ASCC1: variants seen among roughly 807,000 people sequenced by gnomAD.
ASCC1 encodes the protein activating signal cointegrator 1 complex subunit 1, also known as ASC-1 complex subunit P50.
A neutral mutation model predicts 46.6 loss-of-function variants in ASCC1; 35 were observed. The observed-to-expected ratio is 0.75, with a 90% CI of 0.57 to 0.99. The LOEUF (loss-of-function observed/expected upper bound fraction) is 0.99. Ranked by LOEUF, ASCC1 falls within the 50% of genes least tolerant of loss-of-function variation. The probability of loss-of-function intolerance (pLI) is 0.00; values close to 1 mark genes in which losing one functional copy is unlikely to be tolerated. For synonymous variants in ASCC1, 143 were observed against 146.6 expected (o/e 0.98, Z 0.18); for missense variants, 376 against 428.7 (o/e 0.88, Z 1.09).
intron 9 of ASCC1, chr10:72,103,020 T>C: frequency 2.3e-6 from 1 of 437,284 alleles, no homozygotes; most frequent in South Asian, 1.6e-5. Flanking sequence ...AATATGTAGG[T>C]ATTGACAACA....
chr10:72,124,295 TTTTC>T (rs989008881), intron 9 of ASCC1, among the ~76,000 whole-genome samples: 3 of 152,238 alleles, frequency 2.0e-5, no homozygotes, highest in African/African-American at 7.2e-5. Flanking sequence ...ATGGCTTATA[TTTTC>T]CAGGATTTCT....
chr10:72,208,001 TTTG>T (rs1857460793), intron 3 of ASCC1, among the ~76,000 whole-genome samples: 1 of 151,984 alleles, frequency 6.6e-6, no homozygotes, highest in Non-Finnish European at 1.5e-5. Context: ...ATTTTTATTT[TTTG>T]TTGTAGAAAC....
intron 5 of ASCC1, among the ~76,000 whole-genome samples, chr10:72,189,692 C>T (rs1589539307): frequency 6.7e-6 from 1 of 150,168 alleles, no homozygotes; most frequent in East Asian, 2.0e-4. Flanking sequence ...ATCCCAGCTA[C>T]TTGAGAGGTT....
intron 9 of ASCC1, chr10:72,102,446 A>G: frequency 6.6e-7 from 1 of 1,508,554 alleles, no homozygotes; most frequent in Non-Finnish European, 9.0e-7. Flanking sequence ...AGATCACTAT[A>G]AAAGGCTTTA....
intron 8 of ASCC1, among the ~76,000 whole-genome samples, chr10:72,131,826 T>C (rs1845640551): frequency 6.6e-6 from 1 of 150,980 alleles, no homozygotes; most frequent in Non-Finnish European, 1.5e-5. Context: ...AACCTACAAA[T>C]AGTCAATGAT....
intron 9 of ASCC1, among the ~76,000 whole-genome samples, chr10:72,127,822 C>T (rs548348006): frequency 2.0e-5 from 3 of 152,062 alleles, no homozygotes; most frequent in Non-Finnish European, 4.4e-5. Flanking sequence ...CACCACTGCA[C>T]TCCAGCGTGA....
rs184342491 is a variant in ASCC1, at chr10:72,137,379, T to C, written c.747-4198A>G. On this transcript the variant is annotated intron_variant, in intron 7 of 9. Transcript: ENST00000672957. ...CCATCTCTACTAAAGATACAAAAAA[T>C]TAGATGGGTGTGGTGGTGCATGCCT... 2.5e-3 allele frequency among the ~76,000 whole-genome samples: 383 copies of C among 151,788 alleles called. 3 individuals carry two copies. Among genetic ancestry groups the C allele is most frequent in the African/African-American group, 8.2e-3 (342 of 41,464 alleles).
At chr10:72,190,859 G>C (rs927842756) in intron 5 of ASCC1, among the ~76,000 whole-genome samples, 115 of 151,320 alleles carry the variant, frequency 7.6e-4, no homozygotes, top group African/African-American at 2.7e-3. Context: ...CGCTGGGCGT[G>C]GTGGCAGGTG....
At chr10:72,179,519 AT>A (rs1852294088) in intron 5 of ASCC1, among the ~76,000 whole-genome samples, 1 of 152,154 alleles carries the variant, frequency 6.6e-6, no homozygotes, top group Non-Finnish European at 1.5e-5. Flanking sequence ...ACTGTCAACT[AT>A]TTGTTCTATT....
chr10:72,101,983 T>C (rs1841817345), intron 9 of ASCC1, among the ~76,000 whole-genome samples: 1 of 151,782 alleles, frequency 6.6e-6, no homozygotes, highest in Admixed American at 6.6e-5. Flanking sequence ...TGGGGCCTCC[T>C]TGAGGGTGGA....
chr10:72,205,382 C>A (rs1415793291), intron 3 of ASCC1, among the ~76,000 whole-genome samples: 1 of 152,044 alleles, frequency 6.6e-6, no homozygotes, highest in Non-Finnish European at 1.5e-5. Flanking sequence ...GTAATCCCAG[C>A]ACTTTGCGAG....
chr10:72,190,355 G>A (rs1166432008), intron 5 of ASCC1: 1 of 1,373,882 alleles, frequency 7.3e-7, no homozygotes, highest in South Asian at 1.2e-5. Context: ...ATTTTTTGAG[G>A]TTATCCTCAT....
chr10:72,138,720 C>T (rs1369684000), intron 7 of ASCC1, among the ~76,000 whole-genome samples: 3 of 149,198 alleles, frequency 2.0e-5, no homozygotes, highest in Non-Finnish European at 4.4e-5. Flanking sequence ...TACAGACATT[C>T]GCCACCACAC....
chr10:72,175,271 G>C (rs1851725066), intron 5 of ASCC1, among the ~76,000 whole-genome samples: 1 of 152,170 alleles, frequency 6.6e-6, no homozygotes, highest in Non-Finnish European at 1.5e-5. Flanking sequence ...CTCTGCAGAT[G>C]AAACACATAT....
chr10:72,197,001 G>C lies in ASCC1; in HGVS notation c.311-12C>G. On this transcript the variant is annotated splice_polypyrimidine_tract_variant and intron_variant, in intron 4 of 9. Coordinates refer to ENST00000672957, the MANE Select transcript of ASCC1 (RefSeq NM_001198800.3). ...CTGGCCAGTGATTACTGTAAACAAA[G>C]AAGAAAGGGTAAACTGCTCAAGGAC... The C allele has an allele frequency of 6.2e-7, 1 of 1,613,426 alleles. No individual in the cohort carries two copies.
intron 9 of ASCC1, among the ~76,000 whole-genome samples, chr10:72,122,205 C>T (rs1024407417): frequency 7.2e-5 from 11 of 152,106 alleles, no homozygotes; most frequent in African/African-American, 2.7e-4. Flanking sequence ...CGGATCACAA[C>T]ATCAGGAGTT....
intron 1 of ASCC1, among the ~76,000 whole-genome samples, chr10:72,213,950 A>C (rs1487039627): frequency 6.6e-6 from 1 of 152,050 alleles, no homozygotes; most frequent in African/African-American, 2.4e-5. Flanking sequence ...AGGCAGGAGA[A>C]TCTCTTGAAC....
intron 5 of ASCC1, among the ~76,000 whole-genome samples, chr10:72,184,108 C>T (rs907949873): frequency 6.6e-6 from 1 of 151,800 alleles, no homozygotes; most frequent in African/African-American, 2.4e-5. Flanking sequence ...TGCACCACTG[C>T]ACTCCAGCCT....
At chr10:72,200,094 T>C (rs1856277259) in intron 4 of ASCC1, among the ~76,000 whole-genome samples, 2 of 152,098 alleles carry the variant, frequency 1.3e-5, no homozygotes, top group South Asian at 2.1e-4. Flanking sequence ...CTTTATAGCC[T>C]GTCTACCCTT....
Sources: allele counts gnomAD v4.1 joint callset (sites outside exome capture counted in the v4.1 genomes callset), GRCh38; gene constraint gnomAD v4.1.1; transcripts MANE v1.5; gene names NCBI Gene and HGNC (gene_info 2026-07-23, HGNC 2026-07-21).